CSMD1: variants seen among roughly 807,000 people sequenced by gnomAD.
The protein encoded by CSMD1 is CUB and Sushi multiple domains 1, also known as CUB and sushi domain-containing protein 1.
In CSMD1, 213 loss-of-function variants were observed where a neutral mutation model predicts 417.5. That is an observed-to-expected ratio of 0.51 (90% CI 0.46 to 0.57). CSMD1 has a LOEUF of 0.57. Among genes scored for constraint, CSMD1 ranks in the 20% least tolerant of loss-of-function variants. The probability of loss-of-function intolerance (pLI) is 0.00; values close to 1 mark genes in which losing one functional copy is unlikely to be tolerated. For synonymous variants in CSMD1, 2,862 were observed against 1,736.8 expected, an observed-to-expected ratio of 1.65 and a Z score of -16.11; for missense variants, 6,923 against 4,529.7, an observed-to-expected ratio of 1.53 and a Z score of -15.17.
At chr8:4,289,598 A>T (rs1336763380) in intron 3 of CSMD1, among the ~76,000 whole-genome samples, 3 of 152,176 alleles carry the variant, frequency 2.0e-5, no homozygotes, top group African/African-American at 4.8e-5. Context: ...GGCAGTGACG[A>T]TGGTGCCGTG....
At chr8:4,209,568 A>C (rs971511837) in intron 3 of CSMD1, among the ~76,000 whole-genome samples, 1 of 152,130 alleles carries the variant, frequency 6.6e-6, no homozygotes, top group African/African-American at 2.4e-5. Context: ...CTCTTCTGGC[A>C]TTTGTCCACC....
intron 1 of CSMD1, among the ~76,000 whole-genome samples, chr8:4,704,214 A>G (rs1226535595): frequency 3.3e-5 from 5 of 152,194 alleles, no homozygotes; most frequent in Admixed American, 3.3e-4. Flanking sequence ...AGCACCTTAC[A>G]TTGTCATTTA....
chr8:4,375,345 C>T (rs555557958), intron 3 of CSMD1, among the ~76,000 whole-genome samples: 35 of 152,154 alleles, frequency 2.3e-4, no homozygotes, highest in African/African-American at 8.2e-4. Flanking sequence ...GGGTGATCAT[C>T]CTATTCACCA....
chr8:3,234,331 T>G (rs1799025209), intron 26 of CSMD1, among the ~76,000 whole-genome samples: 1 of 152,200 alleles, frequency 6.6e-6, no homozygotes, highest in African/African-American at 2.4e-5. Context: ...TTCAGAGTCC[T>G]CACTGTAATA....
At chr8:4,930,584 T>C (rs375711257) in intron 1 of CSMD1, among the ~76,000 whole-genome samples, 3 of 152,150 alleles carry the variant, frequency 2.0e-5, no homozygotes, top group Admixed American at 6.5e-5. Context: ...CCTGCTAGGA[T>C]TGGCAAGGAT....
At chr8:4,814,826 A>G (rs1335031074) in intron 1 of CSMD1, among the ~76,000 whole-genome samples, 2 of 152,130 alleles carry the variant, frequency 1.3e-5, no homozygotes, top group African/African-American at 2.4e-5. Flanking sequence ...GTACCCCAAA[A>G]TTATAATACT....
At chr8:3,925,061 G>A (rs977678636) in intron 5 of CSMD1, among the ~76,000 whole-genome samples, 4 of 152,172 alleles carry the variant, frequency 2.6e-5, no homozygotes, top group Admixed American at 1.3e-4. Flanking sequence ...CTCTGCATCT[G>A]TTCTATGGCT....
intron 23 of CSMD1, among the ~76,000 whole-genome samples, chr8:3,327,147 C>CTT (rs34203580): frequency 2.7e-5 from 4 of 148,248 alleles, no homozygotes; most frequent in Non-Finnish European, 4.5e-5. Context: ...ACAATACCAT[C>CTT]TTTTTTTTTT....
intron 5 of CSMD1, among the ~76,000 whole-genome samples, chr8:3,821,355 G>A (rs192484525): frequency 6.4e-4 from 97 of 152,298 alleles, no homozygotes; most frequent in African/African-American, 2.1e-3. Context: ...CATGAGACCC[G>A]TCTAAGACTG....
chr8:4,834,168 T>G (rs1423186661), intron 1 of CSMD1, among the ~76,000 whole-genome samples: 2 of 152,310 alleles, frequency 1.3e-5, no homozygotes, highest in East Asian at 3.9e-4. Context: ...AACAAGGATG[T>G]GTTATGTCAG....
At chr8:4,374,023 T>C (rs929690237) in intron 3 of CSMD1, among the ~76,000 whole-genome samples, 1 of 152,184 alleles carries the variant, frequency 6.6e-6, no homozygotes, top group African/African-American at 2.4e-5. Context: ...AAGACAGAAT[T>C]CTCAGTAAAA....
rs6982537 is a variant in CSMD1 at position 3,360,771 on chromosome 8, G to A, written c.3116-1431C>T. ...ACCATCTTTAGGGTTCCCCTAACTCGGAATTTTAGGTTCATTATTTTCACT... is the reference window on the plus strand; with the variant it reads ...ACCATCTTTAGGGTTCCCCTAACTCAGAATTTTAGGTTCATTATTTTCACT... On this transcript the variant is annotated intron_variant, in intron 20 of 69. Coordinates refer to ENST00000635120, the MANE Select transcript of CSMD1 (RefSeq NM_033225.6). 7.6e-3 allele frequency among the ~76,000 whole-genome samples: 1,149 copies of A among 151,674 alleles called. 15 individuals carry two copies. Among genetic ancestry groups the A allele is most frequent in the African/African-American group, 0.026 (1,082 of 41,342 alleles).
chr8:4,115,993 T>C (rs1318858868), intron 3 of CSMD1, among the ~76,000 whole-genome samples: 2 of 149,524 alleles, frequency 1.3e-5, no homozygotes, highest in East Asian at 3.9e-4. Flanking sequence ...TATTTATTTA[T>C]TTATTTATTT....
chr8:4,983,789 A>G (rs576704446), intron 1 of CSMD1, among the ~76,000 whole-genome samples: 1 of 152,084 alleles, frequency 6.6e-6, no homozygotes, highest in East Asian at 1.9e-4. Context: ...ATTTTTAAAC[A>G]TAGTAACTGA....
At chr8:4,596,310 A>G (rs1486127091) in intron 2 of CSMD1, among the ~76,000 whole-genome samples, 3 of 152,180 alleles carry the variant, frequency 2.0e-5, no homozygotes, top group Admixed American at 2.0e-4. Context: ...AAGCTTCAAG[A>G]TTAGATTTAG....
At chr8:4,074,327 T>C (rs1291854811) in intron 3 of CSMD1, among the ~76,000 whole-genome samples, 2 of 152,088 alleles carry the variant, frequency 1.3e-5, no homozygotes, top group African/African-American at 4.8e-5. Flanking sequence ...AGATTAACAG[T>C]ATTTGGCATC....
At chr8:3,787,323 G>A (rs1361606628) in intron 5 of CSMD1, among the ~76,000 whole-genome samples, 1 of 152,122 alleles carries the variant, frequency 6.6e-6, no homozygotes, top group Admixed American at 6.5e-5. Context: ...AAATTGGAAA[G>A]CTATAGAGAA....
chr8:3,243,989 A>G lies in CSMD1; in HGVS notation c.4154-13758T>C, dbSNP rs184190318. 5.3e-3 allele frequency among the ~76,000 whole-genome samples: 801 copies of G among 152,292 alleles called. 6 individuals carry two copies. The highest frequency in any genetic ancestry group is 0.018 in the African/African-American group (742 of 41,564). Reference sequence around the variant, plus strand: ...AGAAGTACGTTTGCTTAGCATACGCATCATTTAAAACATCCCTGCGTACCT... The same window carrying G: ...AGAAGTACGTTTGCTTAGCATACGCGTCATTTAAAACATCCCTGCGTACCT... On this transcript the variant is annotated intron_variant, in intron 26 of 69. Transcript: ENST00000635120.
chr8:4,538,808 G>T lies in CSMD1; in HGVS notation c.302+98534C>A, dbSNP rs372711808. 4.6e-5 allele frequency among the ~76,000 whole-genome samples: 7 copies of T among 152,310 alleles called. No individual in the cohort carries two copies. The East Asian group carries it at 1.4e-3, about 29-fold the overall frequency. On this transcript the variant is annotated intron_variant, in intron 2 of 69. Coordinates refer to ENST00000635120, the MANE Select transcript of CSMD1 (RefSeq NM_033225.6). ...ACAGATAAGGAAACAGAAGCTCAAAGAAGTAACTTGTTTTGGGTCACAAAG... is the reference window on the plus strand; with the variant it reads ...ACAGATAAGGAAACAGAAGCTCAAATAAGTAACTTGTTTTGGGTCACAAAG...
Sources: allele counts gnomAD v4.1 joint callset (sites outside exome capture counted in the v4.1 genomes callset), GRCh38; gene constraint gnomAD v4.1.1; transcripts MANE v1.5; gene names NCBI Gene and HGNC (gene_info 2026-07-23, HGNC 2026-07-21).